Variants in MAP3K5 observed in about 807,000 individuals in gnomAD.
MAP3K5 encodes mitogen-activated protein kinase kinase kinase 5.
Under a neutral mutation model 158.7 loss-of-function variants are expected in MAP3K5, and 56 were observed. The ratio of observed to expected loss-of-function variants is 0.35; its 90% CI spans 0.28 to 0.44. The LOEUF (loss-of-function observed/expected upper bound fraction) is 0.44. Ranked by LOEUF, MAP3K5 falls within the 20% of genes least tolerant of loss-of-function variation. The pLI is 1.00. For missense variants in MAP3K5, 1,294 were observed against 1,674.8 expected, an observed-to-expected ratio of 0.77 and a Z score of 3.97; for synonymous variants, 579 against 601.7, an observed-to-expected ratio of 0.96 and a Z score of 0.55.
intron 1 of MAP3K5, among the ~76,000 whole-genome samples, chr6:136,773,849 C>A (rs1353582121): frequency 6.6e-6 from 1 of 151,984 alleles, no homozygotes; most frequent in African/African-American, 2.4e-5. Flanking sequence ...GGTTTCTCCA[C>A]GTTGGCCAGG....
At chr6:136,680,854 G>A (rs1358023630) in intron 7 of MAP3K5, among the ~76,000 whole-genome samples, 3 of 152,234 alleles carry the variant, frequency 2.0e-5, no homozygotes, top group Middle Eastern at 3.4e-3. Flanking sequence ...TGGAAAGATG[G>A]GAAGAGATAC....
intron 1 of MAP3K5, among the ~76,000 whole-genome samples, chr6:136,779,826 G>A (rs893141419): frequency 5.3e-5 from 8 of 152,152 alleles, no homozygotes; most frequent in African/African-American, 1.9e-4. Context: ...AAAACCTAGA[G>A]GACTGACATC....
At chr6:136,791,612 G>A in intron 1 of MAP3K5, 98 bp downstream of exon 1, 1 of 1,368,296 alleles carries the variant, frequency 7.3e-7, no homozygotes, top group Non-Finnish European at 1.0e-6. Flanking sequence ...GGGGCAAGAA[G>A]TAAATGCTTC....
intron 1 of MAP3K5, among the ~76,000 whole-genome samples, chr6:136,750,687 T>C (rs1007582572): frequency 6.6e-6 from 1 of 152,246 alleles, no homozygotes; most frequent in African/African-American, 2.4e-5. Context: ...TTTCCCCTAA[T>C]TTATCTTTCG....
At chr6:136,586,011 T>C (rs1175194044) in intron 23 of MAP3K5, among the ~76,000 whole-genome samples, 1 of 152,224 alleles carries the variant, frequency 6.6e-6, no homozygotes, top group Non-Finnish European at 1.5e-5. Flanking sequence ...AAAAAAGAAA[T>C]GCACCATCGA....
At chr6:136,569,835 T>C (rs550243158) in intron 25 of MAP3K5, among the ~76,000 whole-genome samples, 2 of 152,312 alleles carry the variant, frequency 1.3e-5, no homozygotes, top group South Asian at 4.1e-4. Flanking sequence ...ATATTACAAA[T>C]TGTAATTAAA....
chr6:136,698,472 TATTA>T lies in MAP3K5; in HGVS notation c.806+13_806+16del, dbSNP rs1161228145. 6 of 1,606,182 alleles carry T rather than the reference TATTA, an allele frequency of 3.7e-6. No individual in the cohort carries two copies. Among genetic ancestry groups the T allele is most frequent in the East Asian group, 2.2e-5 (1 of 44,674 alleles). ...CTTTATTGTCATCACCAAATGGCAT[TATTA>T]ATTAAACTTTACCTAGAACTTGCTT... On this transcript the variant is annotated intron_variant, in intron 4 of 29. Coordinates refer to ENST00000359015, the MANE Select transcript of MAP3K5 (RefSeq NM_005923.4).
intron 14 of MAP3K5, chr6:136,637,079 T>C (rs909307026): frequency 7.3e-7 from 1 of 1,362,500 alleles, no homozygotes; most frequent in Non-Finnish European, 9.5e-7. Context: ...CTGTCATAGA[T>C]AAAGCATAGT....
chr6:136,739,332 G>A (rs1475022919), intron 1 of MAP3K5, among the ~76,000 whole-genome samples: 1 of 152,076 alleles, frequency 6.6e-6, no homozygotes, highest in Non-Finnish European at 1.5e-5. Context: ...AACACCCTGA[G>A]CCCATTTCCT....
intron 5 of MAP3K5, 75 bp from the exon 6 acceptor site, chr6:136,696,132 A>G (rs1780591599): frequency 2.5e-6 from 2 of 793,912 alleles, no homozygotes; most frequent in Non-Finnish European, 4.2e-6. Context: ...TCTTTTGACA[A>G]CCAGATATCT....
chr6:136,701,468 T>G (rs1219371531), intron 3 of MAP3K5, among the ~76,000 whole-genome samples: 3 of 152,190 alleles, frequency 2.0e-5, no homozygotes, highest in African/African-American at 7.2e-5. Context: ...TGCTAAATTG[T>G]TCCTGTCTCA....
chr6:136,611,591 C>T (rs943717476), intron 17 of MAP3K5, among the ~76,000 whole-genome samples: 13 of 152,148 alleles, frequency 8.5e-5, no homozygotes, highest in South Asian at 2.1e-4. Flanking sequence ...TGAAACCAAC[C>T]GCCTTTGCGA....
chr6:136,559,329 G>A (rs1378039169), intron 28 of MAP3K5, among the ~76,000 whole-genome samples: 2 of 141,656 alleles, frequency 1.4e-5, no homozygotes, highest in Middle Eastern at 3.4e-3. Flanking sequence ...TCCAGCCTGG[G>A]CGACAGAGTG....
intron 10 of MAP3K5, among the ~76,000 whole-genome samples, chr6:136,654,474 T>C (rs1273445491): frequency 6.6e-6 from 1 of 152,184 alleles, no homozygotes; most frequent in East Asian, 1.9e-4. Context: ...GAGATGGAGT[T>C]TTGCTCTTGT....
intron 3 of MAP3K5, among the ~76,000 whole-genome samples, chr6:136,699,865 G>A (rs1313613283): frequency 3.3e-5 from 5 of 152,162 alleles, no homozygotes; most frequent in African/African-American, 7.2e-5. Context: ...AAGCCAAGGC[G>A]GGCAGATTGC....
chr6:136,562,663 C>T (rs1830566847), intron 26 of MAP3K5, 48 bp from the exon 27 acceptor site: 2 of 979,208 alleles, frequency 2.0e-6, no homozygotes, highest in Non-Finnish European at 3.1e-6. Context: ...ACAGGGTGAC[C>T]TTCTTTTTTT....
intron 7 of MAP3K5, among the ~76,000 whole-genome samples, chr6:136,686,481 T>C (rs1780153177): frequency 6.6e-6 from 1 of 152,088 alleles, no homozygotes; most frequent in Admixed American, 6.5e-5. Flanking sequence ...GGAAGTCAAA[T>C]TGTCTCTGTT....
intron 11 of MAP3K5, among the ~76,000 whole-genome samples, chr6:136,649,016 C>A (rs539573011): frequency 6.6e-6 from 1 of 152,322 alleles, no homozygotes; most frequent in African/African-American, 2.4e-5. Flanking sequence ...GTCGCCCAGG[C>A]TGGAGTGCAG....
chr6:136,577,923 T>C (rs1774691237), intron 25 of MAP3K5, among the ~76,000 whole-genome samples: 2 of 152,326 alleles, frequency 1.3e-5, no homozygotes, highest in South Asian at 4.1e-4. Flanking sequence ...CATTAGGTAA[T>C]CATTACTAAA....
Sources: allele counts gnomAD v4.1 joint callset (sites outside exome capture counted in the v4.1 genomes callset), GRCh38; gene constraint gnomAD v4.1.1; transcripts MANE v1.5; gene names NCBI Gene and HGNC (gene_info 2026-07-23, HGNC 2026-07-21).